Variants in DPYD observed in about 807,000 individuals in gnomAD.
DPYD encodes the protein dihydropyrimidine dehydrogenase [NADP(+)].
Under a neutral mutation model 116.2 loss-of-function variants are expected in DPYD, and 109 were observed. That is an observed-to-expected ratio of 0.94 (90% CI 0.80 to 1.10). The LOEUF is 1.10. Ranked by LOEUF, DPYD falls within the 50% of genes least tolerant of loss-of-function variation. The probability of loss-of-function intolerance (pLI) is 0.00; values close to 1 mark genes in which losing one functional copy is unlikely to be tolerated. For missense variants in DPYD, 1,302 were observed against 1,254.5 expected (o/e 1.04, Z -0.57); for synonymous variants, 440 against 432.0 (o/e 1.02, Z -0.23).
At chr1:97,919,754 C>A (rs560727290) in intron 1 of DPYD, among the ~76,000 whole-genome samples, 2 of 152,104 alleles carry the variant, frequency 1.3e-5, no homozygotes, top group East Asian at 3.9e-4. Flanking sequence ...AAAACAGAAA[C>A]CAAAAGTAAA....
At chr1:97,800,128 T>C (rs1386909520) in intron 3 of DPYD, among the ~76,000 whole-genome samples, 1 of 151,992 alleles carries the variant, frequency 6.6e-6, no homozygotes. Context: ...AATGGTAGTT[T>C]AAATTTAAGT....
At chr1:97,836,826 A>G (rs1193305300) in intron 2 of DPYD, among the ~76,000 whole-genome samples, 1 of 152,096 alleles carries the variant, frequency 6.6e-6, no homozygotes, top group Non-Finnish European at 1.5e-5. Flanking sequence ...AAATTGATAA[A>G]CTGATTTTTG....
At chr1:97,437,018 TAAA>T (rs1417886144) in intron 14 of DPYD, among the ~76,000 whole-genome samples, 1 of 151,750 alleles carries the variant, frequency 6.6e-6, no homozygotes, top group African/African-American at 2.4e-5. Flanking sequence ...ATATAAAGAA[TAAA>T]ATAATAATTT....
At chr1:97,881,111 C>G (rs1448276187) in intron 2 of DPYD, among the ~76,000 whole-genome samples, 1 of 151,984 alleles carries the variant, frequency 6.6e-6, no homozygotes, top group Non-Finnish European at 1.5e-5. Flanking sequence ...ATGAACTGAA[C>G]TATATCTCCT....
At chr1:97,316,513 C>CAATAAAATAAAATAAAATAAATAA in intron 16 of DPYD, among the ~76,000 whole-genome samples, 1 of 124,332 alleles carries the variant, frequency 8.0e-6, no homozygotes, top group East Asian at 2.5e-4. Context: ...GACTCTGTCT[C>CAATAAAATAAAATAAAATAAATAA]AATAAAATAA....
At chr1:97,903,905 A>G (rs371629157) in intron 1 of DPYD, among the ~76,000 whole-genome samples, 4 of 151,982 alleles carry the variant, frequency 2.6e-5, no homozygotes, top group African/African-American at 9.7e-5. Context: ...AGAAACAGCT[A>G]AAGTGTTGCT....
At position 97,298,701 on chromosome 1, in the gene DPYD, T is replaced by G. The variant is rs147597021; in HGVS notation, c.2299+6558A>C. Among the ~76,000 whole-genome samples, 461 of 152,262 alleles carry G rather than the reference T, an allele frequency of 3.0e-3. 4 individuals are homozygous for G. Among genetic ancestry groups the G allele is most frequent in the Non-Finnish European group, 5.0e-3 (342 of 68,018 alleles). ...ATGCTAGAGAGTTTGGTCTGATGCT[T>G]AGGGATTTAGGACGACGAATGGATA... On this transcript the variant is annotated intron_variant, in intron 18 of 22. Coordinates refer to ENST00000370192, the MANE Select transcript of DPYD (RefSeq NM_000110.4).
chr1:97,639,857 G>A lies in DPYD; in HGVS notation c.850+39238C>T, dbSNP rs539253311. 3.9e-5 allele frequency among the ~76,000 whole-genome samples: 6 copies of A among 152,178 alleles called. No individual in the cohort carries two copies. The South Asian group carries it at 8.3e-4, about 21-fold the overall frequency. ...ACATGGTCAAATTAGATCCTCAAAC[G>A]CATGTGTATGAACAGATGACGCAGA... On this transcript the variant is annotated intron_variant, in intron 8 of 22. Coordinates refer to ENST00000370192, the MANE Select transcript of DPYD (RefSeq NM_000110.4).
At chr1:97,517,331 C>A (rs1310922658) in intron 12 of DPYD, among the ~76,000 whole-genome samples, 1 of 151,940 alleles carries the variant, frequency 6.6e-6, no homozygotes, top group African/African-American at 2.4e-5. Flanking sequence ...TTAGCAAATA[C>A]AAAAGCTACA....
In DPYD at chr1:97,305,489, TGTC is replaced by T. The variant is rs1667105394; in HGVS notation, c.2180-114_2180-112del. The T allele has an allele frequency of 2.1e-6, 3 of 1,414,534 alleles. No homozygotes were observed. In the Admixed American group the frequency reaches 5.1e-5, roughly 24 times the overall value. 87.6% of individuals were successfully genotyped at this position (1,414,534 alleles called of 1,614,324 possible). ...TGCATTCTATTTTATCTTGAGAACA[TGTC>T]TTCTCCTCAAAGTTCTTCACTAATT... On this transcript the variant is annotated intron_variant, in intron 17 of 22. Coordinates refer to ENST00000370192, the MANE Select transcript of DPYD (RefSeq NM_000110.4).
chr1:97,620,489 T>C (rs1267159695), intron 8 of DPYD, among the ~76,000 whole-genome samples: 1 of 152,172 alleles, frequency 6.6e-6, no homozygotes, highest in Admixed American at 6.6e-5. Context: ...GTGTTAGGAT[T>C]ACAAGTGTGA....
intron 2 of DPYD, among the ~76,000 whole-genome samples, chr1:97,865,942 A>C (rs2101604273): frequency 6.6e-6 from 1 of 152,112 alleles, no homozygotes; most frequent in Non-Finnish European, 1.5e-5. Flanking sequence ...TTATATACAC[A>C]TAGGTGAAAC....
At chr1:97,186,519 G>A (rs1570626429) in intron 20 of DPYD, among the ~76,000 whole-genome samples, 1 of 152,106 alleles carries the variant, frequency 6.6e-6, no homozygotes, top group South Asian at 2.1e-4. Context: ...GGAACATGCA[G>A]TATTTGACTT....
At chr1:97,837,428 A>G (rs1669820804) in intron 2 of DPYD, among the ~76,000 whole-genome samples, 1 of 152,160 alleles carries the variant, frequency 6.6e-6, no homozygotes, top group Non-Finnish European at 1.5e-5. Context: ...AAATTAGCTA[A>G]AATTCTGTCA....
intron 20 of DPYD, among the ~76,000 whole-genome samples, chr1:97,180,319 T>C (rs1207935360): frequency 6.6e-6 from 1 of 152,142 alleles, no homozygotes; most frequent in Non-Finnish European, 1.5e-5. Context: ...ATATTCCCTT[T>C]ATTCAAGTGA....
Position 97,407,695 on chromosome 1 carries a change from C to T in DPYD, c.1906-25234G>A, listed in dbSNP as rs371958507. ...GCATCCAATACACGGTACTCTTCCT[C>T]CCATAGTCAAGATACATGGGTCCAG... On this transcript the variant is annotated intron_variant, in intron 14 of 22. Transcript: ENST00000370192. Among the ~76,000 whole-genome samples the T allele has an allele frequency of 2.4e-4, 36 of 152,232 alleles. No individual in the cohort carries two copies. In the South Asian group the frequency reaches 7.3e-3, roughly 31 times the overall value.
intron 18 of DPYD, among the ~76,000 whole-genome samples, chr1:97,255,639 C>G (rs1205223978): frequency 2.0e-5 from 3 of 151,786 alleles, no homozygotes; most frequent in Non-Finnish European, 4.4e-5. Flanking sequence ...ATTGTCCAAT[C>G]TTGGGTATGT....
chr1:97,194,462 T>A (rs1243450236), intron 19 of DPYD, among the ~76,000 whole-genome samples: 3 of 152,108 alleles, frequency 2.0e-5, no homozygotes, highest in Admixed American at 1.3e-4. Context: ...CAATCAAACC[T>A]CTTTCCTTTA....
chr1:97,527,931 T>TA (rs1649277722), intron 12 of DPYD, among the ~76,000 whole-genome samples: 1 of 152,104 alleles, frequency 6.6e-6, no homozygotes, highest in South Asian at 2.1e-4. Context: ...AGCTTTCACT[T>TA]AGTCATTTTG....
Sources: allele counts gnomAD v4.1 joint callset (sites outside exome capture counted in the v4.1 genomes callset), GRCh38; gene constraint gnomAD v4.1.1; transcripts MANE v1.5; gene names NCBI Gene and HGNC (gene_info 2026-07-23, HGNC 2026-07-21).